Variants in VPS13A observed in about 807,000 individuals in gnomAD.
VPS13A encodes the protein vacuolar protein sorting 13 homolog A, also known as intermembrane lipid transfer protein VPS13A.
In VPS13A, 264 loss-of-function variants were observed where a neutral mutation model predicts 390.9. That is an observed-to-expected ratio of 0.68 (90% confidence interval 0.61 to 0.75). VPS13A has a LOEUF of 0.75. Ranked by LOEUF, VPS13A falls within the 30% of genes least tolerant of loss-of-function variation. The pLI, the probability that VPS13A is intolerant of heterozygous loss-of-function variation, is 0.00. For synonymous variants in VPS13A, 1,231 were observed against 1,227.1 expected, an observed-to-expected ratio of 1.00 and a Z score of -0.07; for missense variants, 3,409 against 3,733.9, an observed-to-expected ratio of 0.91 and a Z score of 2.27.
intron 23 of VPS13A, among the ~76,000 whole-genome samples, chr9:77,271,413 G>A (rs1458580507): frequency 1.3e-5 from 2 of 152,028 alleles, no homozygotes; most frequent in East Asian, 1.9e-4. Context: ...TAAAAATAAG[G>A]TTAAGTATAT....
At chr9:77,285,221 A>C (rs747542763) in intron 31 of VPS13A, among the ~76,000 whole-genome samples, 2 of 152,156 alleles carry the variant, frequency 1.3e-5, no homozygotes, top group Non-Finnish European at 2.9e-5. Flanking sequence ...TGCCCTTATG[A>C]AATCAGACCT....
chr9:77,309,628 C>T (rs755415171), intron 35 of VPS13A, among the ~76,000 whole-genome samples: 16 of 152,074 alleles, frequency 1.1e-4, no homozygotes, highest in Admixed American at 4.6e-4. Context: ...ATAAAAGTTA[C>T]GTGAATGTGG....
At position 77,310,975 on chromosome 9, in the gene VPS13A, G is replaced by C. The variant is rs561263592; in HGVS notation, c.4114+2877G>C. The stretch of plus-strand genomic sequence containing the variant: ...GAGTCTCGCTATGTCACCCAGGCTG[G>C]AGTGTAGTGGTGCAATCTCGGCTAC... On this transcript the variant is annotated intron_variant, in intron 35 of 71. Coordinates refer to ENST00000360280, the MANE Select transcript of VPS13A (RefSeq NM_033305.3). 1.2e-4 allele frequency among the ~76,000 whole-genome samples: 18 copies of C among 151,890 alleles called. No homozygotes were observed. The East Asian group carries it at 3.5e-3, about 30-fold the overall frequency.
At chr9:77,211,353 G>A (rs985083159) in intron 7 of VPS13A, 4 of 151,938 alleles carry the variant, frequency 2.6e-5, no homozygotes, top group African/African-American at 7.2e-5. Flanking sequence ...AAAAGTTTAC[G>A]CGTTTTATAT....
At chr9:77,210,549 T>C in intron 6 of VPS13A, 67 bp from the exon 7 acceptor site, 2 of 1,526,214 alleles carry the variant, frequency 1.3e-6, no homozygotes, top group Non-Finnish European at 1.8e-6. Context: ...TTGACAGTTT[T>C]TTCTATAAAG....
intron 19 of VPS13A, among the ~76,000 whole-genome samples, chr9:77,240,768 C>T (rs1269337433): frequency 6.6e-6 from 1 of 151,966 alleles, no homozygotes; most frequent in Non-Finnish European, 1.5e-5. Flanking sequence ...GCCACCATGC[C>T]CGTTGCATAT....
At position 77,407,536 on chromosome 9, in the gene VPS13A, C is replaced by A. The variant is rs148173878; in HGVS notation, c.9403C>A (p.Arg3135=). Residue 3135 remains arginine, a synonymous_variant, in exon 71 of 72, where the codon CGA becomes AGA. Transcript: ENST00000360280. ...AATTTACATATTCTGTTTATAGGAACGAGTGAAGTCTGTATTTCATGCCAG... is the reference window on the plus strand; with the variant it reads ...AATTTACATATTCTGTTTATAGGAAAGAGTGAAGTCTGTATTTCATGCCAG... ...GRRLRIEAKE[R]VKSVFHAREF... The A allele has an allele frequency of 6.2e-7, 1 of 1,610,924 alleles. No individual in the cohort carries two copies. Among genetic ancestry groups the A allele is most frequent in the Admixed American group, 1.7e-5 (1 of 59,998 alleles).
intron 39 of VPS13A, 29 bp downstream of exon 39, chr9:77,316,435 A>G: frequency 1.3e-6 from 2 of 1,586,746 alleles, no homozygotes; most frequent in Non-Finnish European, 1.7e-6. Context: ...CATCTGCTTA[A>G]TTGTAACTAT....
At chr9:77,293,546 A>G in intron 32 of VPS13A, 38 bp downstream of exon 32, 1 of 1,205,544 alleles carries the variant, frequency 8.3e-7, no homozygotes, top group Non-Finnish European at 1.1e-6. Flanking sequence ...TTTTATACTA[A>G]TTGGAAATTG....
At chr9:77,293,937 T>C (rs1827824987) in intron 32 of VPS13A, among the ~76,000 whole-genome samples, 1 of 152,202 alleles carries the variant, frequency 6.6e-6, no homozygotes, top group Non-Finnish European at 1.5e-5. Flanking sequence ...AAGGTCTTGC[T>C]CTGTCACCCA....
At position 77,365,487 on chromosome 9, in the gene VPS13A, G is replaced by A; in HGVS notation, c.8239G>A (p.Ala2747Thr). 6.2e-7 allele frequency: 1 copy of A among 1,611,214 alleles called. No individual in the cohort carries two copies. Among genetic ancestry groups the A allele is most frequent in the South Asian group, 1.1e-5 (1 of 90,980 alleles). The change falls in exon 60 of 72, where the codon GCT (alanine) becomes ACT (threonine). Residue 2747 changes from alanine (A) to threonine (T), a missense_variant. Physicochemically the swap from Ala to Thr is moderately conservative, Grantham distance 58 (BLOSUM62 0). Coordinates refer to ENST00000360280, the MANE Select transcript of VPS13A (RefSeq NM_033305.3). The part of the protein sequence containing the change: ...EVELFHKDIE[A>T]FKEEYKTASL... ...TGAGCTTTTTCATAAAGATATAGAA[G>A]CTTTCAAAGAAGAATATAAAACAGC...
chr9:77,385,240 T>TCAA, intron 68 of VPS13A: 1 of 830,806 alleles, frequency 1.2e-6, no homozygotes, highest in Non-Finnish European at 1.5e-6. Context: ...ATTGAACTGC[T>TCAA]ATTATAAAAA....
intron 52 of VPS13A, 68 bp downstream of exon 52, chr9:77,345,210 G>A: frequency 6.6e-7 from 1 of 1,524,044 alleles, no homozygotes; most frequent in Non-Finnish European, 9.0e-7. Context: ...AGTTTTTTTT[G>A]ATAATTTCTT....
chr9:77,364,339 T>C (rs12553280), intron 59 of VPS13A, among the ~76,000 whole-genome samples: 82,061 of 151,794 alleles, frequency 0.54, 22,430 homozygotes, highest in East Asian at 0.69. Flanking sequence ...GCAGGAGAAT[T>C]GCTTGAACCC....
Position 77,339,750 on chromosome 9 carries a change from G to T in VPS13A, c.6613G>T (p.Gly2205Cys), listed in dbSNP as rs141164942. Residue 2205 changes from glycine (G) to cysteine (C), a missense_variant, in exon 48 of 72, where the codon GGT becomes TGT. This residue lies in a region of VPS13A where 2,717 missense variants were observed against 2,917.4 expected (regional missense o/e 0.93). Transcript: ENST00000360280. ...TGCTGTCCATATGACTTACAATACT[G>T]GTCAGACAGTTGTGGCATTTCATAG... is the stretch of plus-strand genomic sequence containing the variant. ...DIAVHMTYNT[G>C]QTVVAFHSPY... 4.6e-5 allele frequency: 75 copies of T among 1,613,870 alleles called. No homozygotes were observed. Among genetic ancestry groups the T allele is most frequent in the Non-Finnish European group, 6.0e-5 (71 of 1,179,966 alleles).
chr9:77,230,380 A>T (rs1352436688), intron 17 of VPS13A, among the ~76,000 whole-genome samples: 1 of 152,104 alleles, frequency 6.6e-6, no homozygotes, highest in Non-Finnish European at 1.5e-5. Context: ...GTAGGGTTAG[A>T]ATCCATTTTG....
intron 41 of VPS13A, among the ~76,000 whole-genome samples, chr9:77,318,996 A>G (rs1044916957): frequency 2.0e-5 from 3 of 152,118 alleles, no homozygotes; most frequent in Non-Finnish European, 4.4e-5. Flanking sequence ...GTTCAAGATC[A>G]GCCTGGGCAA....
intron 67 of VPS13A, among the ~76,000 whole-genome samples, chr9:77,379,795 C>T (rs1402004590): frequency 6.6e-6 from 1 of 152,114 alleles, no homozygotes; most frequent in Non-Finnish European, 1.5e-5. Context: ...AATAATGTTC[C>T]GTTGCACTTG....
chr9:77,348,948 A>G lies in VPS13A; in HGVS notation c.7290-2369A>G, dbSNP rs148804502. ...AATATTTTTAAACCAAATTTATTTG[A>G]TAATCAACACATTTACATTTGATTT... is the stretch of plus-strand genomic sequence containing the variant. On this transcript the variant is annotated intron_variant, in intron 52 of 71. Transcript: ENST00000360280. Among the ~76,000 whole-genome samples the G allele has an allele frequency of 3.5e-3, 538 of 152,344 alleles. 1 individual carries two copies. The highest frequency in any genetic ancestry group is 3.2e-3 in the Non-Finnish European group (218 of 68,030).
Sources: gnomAD v4.1 joint callset for allele counts (sites outside exome capture counted in the v4.1 genomes callset) on GRCh38, gnomAD v4.1.1 for gene constraint, gnomAD v4.1.1 regional missense constraint, MANE v1.5 for transcripts, NCBI Gene and HGNC (gene_info 2026-07-23, HGNC 2026-07-21) for gene names.